MAF: variants seen among roughly 807,000 people sequenced by gnomAD.
MAF encodes MAF bZIP transcription factor, also known as transcription factor Maf.
MAF carries 10 observed loss-of-function variants against 22.0 expected under a neutral mutation model. The observed-to-expected ratio is 0.45, with a 90% CI of 0.28 to 0.77. The LOEUF (loss-of-function observed/expected upper bound fraction) is 0.77, where lower values mean the gene tolerates loss of function less well. Ranked by LOEUF, MAF falls within the 30% of genes least tolerant of loss-of-function variation. The pLI, the probability that MAF is intolerant of heterozygous loss-of-function variation, is 0.12. For missense variants in MAF, 544 were observed against 548.4 expected, an observed-to-expected ratio of 0.99 and a Z score of 0.08; for synonymous variants, 337 against 255.8, an observed-to-expected ratio of 1.32 and a Z score of -3.03.
the MAF span, among the ~76,000 whole-genome samples, chr16:79,521,258 A>T: frequency 1.8e-4 from 27 of 152,360 alleles, no homozygotes; most frequent in East Asian, 4.2e-3. Context: ...GCAACATATC[A>T]TTGGATCTTA....
chr16:79,440,346 C>T, the MAF span, among the ~76,000 whole-genome samples: 1 of 152,222 alleles, frequency 6.6e-6, no homozygotes, highest in Non-Finnish European at 1.5e-5. Flanking sequence ...CAGTGTGGTG[C>T]CTAGCGCACA....
chr16:79,550,397 G>T, the MAF span, among the ~76,000 whole-genome samples: 1 of 151,898 alleles, frequency 6.6e-6, no homozygotes, highest in African/African-American at 2.4e-5. Flanking sequence ...TCAACTCTTG[G>T]TCCACCATGA....
At chr16:79,419,588 A>C in the MAF span, among the ~76,000 whole-genome samples, 1 of 152,160 alleles carries the variant, frequency 6.6e-6, no homozygotes, top group East Asian at 1.9e-4. Context: ...CTTATCTTCC[A>C]TGTCTGTTCT....
chr16:79,402,342 C>T, the MAF span, among the ~76,000 whole-genome samples: 795 of 152,290 alleles, frequency 5.2e-3, 6 homozygotes, highest in African/African-American at 0.018. Context: ...AGAGAGAAAG[C>T]GAGCAGGAGA....
chr16:79,517,977 T>C, the MAF span, among the ~76,000 whole-genome samples: 1 of 152,202 alleles, frequency 6.6e-6, no homozygotes, highest in Non-Finnish European at 1.5e-5. Flanking sequence ...GCTTCTTTTG[T>C]CTGGAAACTC....
the MAF span, among the ~76,000 whole-genome samples, chr16:79,247,404 T>C: frequency 6.6e-6 from 1 of 152,246 alleles, no homozygotes; most frequent in Admixed American, 6.5e-5. Context: ...TCCTTGCCGA[T>C]GATCTCAATG....
At chr16:79,322,644 T>C in the MAF span, among the ~76,000 whole-genome samples, 510 of 152,088 alleles carry the variant, frequency 3.4e-3, no homozygotes, top group African/African-American at 0.012. Flanking sequence ...AAATGTACAA[T>C]TGCATGGTGC....
At chr16:79,346,435 A>T in the MAF span, among the ~76,000 whole-genome samples, 1 of 152,196 alleles carries the variant, frequency 6.6e-6, no homozygotes, top group African/African-American at 2.4e-5. Context: ...GAATACTGCT[A>T]AAAAATAAAA....
At chr16:79,526,892 T>C in the MAF span, among the ~76,000 whole-genome samples, 2 of 152,242 alleles carry the variant, frequency 1.3e-5, no homozygotes. Context: ...TGTCTTCTAC[T>C]TTTATAAATA....
chr16:79,478,021 G>A, the MAF span, among the ~76,000 whole-genome samples: 14 of 152,240 alleles, frequency 9.2e-5, no homozygotes, highest in Middle Eastern at 3.4e-3. Flanking sequence ...GCGCCTGGCC[G>A]TGACTTTTAA....
At chr16:79,425,423 T>G in the MAF span, among the ~76,000 whole-genome samples, 1 of 152,188 alleles carries the variant, frequency 6.6e-6, no homozygotes, top group African/African-American at 2.4e-5. Flanking sequence ...AAGGCACAAT[T>G]TGTGGCCTAG....
At chr16:79,551,196 A>T in the MAF span, among the ~76,000 whole-genome samples, 1 of 152,018 alleles carries the variant, frequency 6.6e-6, no homozygotes, top group Non-Finnish European at 1.5e-5. Flanking sequence ...AAGGTGCTGG[A>T]TCTCCCACCA....
the MAF span, among the ~76,000 whole-genome samples, chr16:79,228,063 G>T: frequency 0.76 from 114,884 of 151,910 alleles, 44,742 homozygotes; most frequent in Non-Finnish European, 0.83. Flanking sequence ...ACCACCACAC[G>T]CAGCTAAGTA....
chr16:79,542,797 A>G, the MAF span, among the ~76,000 whole-genome samples: 1 of 152,220 alleles, frequency 6.6e-6, no homozygotes, highest in South Asian at 2.1e-4. Context: ...GGCCTTGGTT[A>G]ATCTTCAGTG....
At chr16:79,529,961 CAAA>C in the MAF span, among the ~76,000 whole-genome samples, 1 of 145,152 alleles carries the variant, frequency 6.9e-6, no homozygotes. Context: ...AACTCCATCT[CAAA>C]AAAAAAAAAA....
At chr16:79,317,186 C>G in the MAF span, among the ~76,000 whole-genome samples, 1 of 130,702 alleles carries the variant, frequency 7.7e-6, no homozygotes, top group African/African-American at 2.9e-5. Context: ...CCTTGCTTTT[C>G]TCCCTCCTTC....
At chr16:79,217,538 C>G in the MAF span, among the ~76,000 whole-genome samples, 1 of 152,130 alleles carries the variant, frequency 6.6e-6, no homozygotes, top group East Asian at 1.9e-4. Flanking sequence ...CTCAATAGGC[C>G]CTCTCTCCTG....
the MAF span, among the ~76,000 whole-genome samples, chr16:79,229,915 T>A: frequency 6.6e-6 from 1 of 152,072 alleles, no homozygotes; most frequent in African/African-American, 2.4e-5. Flanking sequence ...TTCGTTTTTA[T>A]AGGCCTTTTG....
Position 79,597,740 on chromosome 16 carries a change from C to G in MAF, c.1118+1045G>C, listed in dbSNP as rs575283169. On this transcript the variant is annotated intron_variant, in intron 1 of 1. Coordinates refer to ENST00000326043, the MANE Select transcript of MAF (RefSeq NM_005360.5). Reference sequence around the variant, plus strand: ...GCTATAAGTCTTCGAACGTCCATTTCCAAGCCAAAAGGAAAAAAAAAGGAA... The same window carrying G: ...GCTATAAGTCTTCGAACGTCCATTTGCAAGCCAAAAGGAAAAAAAAAGGAA... The G allele has an allele frequency of 3.9e-6, 4 of 1,019,344 alleles. No individual in the cohort carries two copies. The Admixed American group carries it at 2.4e-4, about 61-fold the overall frequency. 63.1% of individuals were successfully genotyped at this position (1,019,344 alleles called of 1,614,324 possible).
Sources: allele counts gnomAD v4.1 joint callset (sites outside exome capture counted in the v4.1 genomes callset), GRCh38; gene constraint gnomAD v4.1.1; transcripts MANE v1.5; gene names NCBI Gene and HGNC (gene_info 2026-07-23, HGNC 2026-07-21).